The following LRCH1 variants were observed in gnomAD, a reference collection of about 807,000 sequenced individuals.
LRCH1 encodes leucine rich repeats and calponin homology domain containing 1, also known as leucine-rich repeat and calponin homology domain-containing protein 1.
Under a neutral mutation model 94.9 loss-of-function variants are expected in LRCH1, and 23 were observed. The ratio of observed to expected loss-of-function variants is 0.24; its 90% confidence interval spans 0.17 to 0.34. The LOEUF (loss-of-function observed/expected upper bound fraction) is 0.34, where lower values mean the gene tolerates loss of function less well. LRCH1 is among the 10% of genes least tolerant of loss of function. LRCH1 has a pLI of 1.00. For synonymous variants in LRCH1, 364 were observed against 354.9 expected (o/e 1.03, Z -0.29); for missense variants, 790 against 945.9 (o/e 0.84, Z 2.16).
At chr13:46,588,568 G>C (rs1310841428) in intron 1 of LRCH1, among the ~76,000 whole-genome samples, 1 of 150,030 alleles carries the variant, frequency 6.7e-6, no homozygotes, top group African/African-American at 2.5e-5. Context: ...AATTAACATG[G>C]TGCTGTATTT....
At chr13:46,606,944 G>T (rs1215215471) in intron 1 of LRCH1, among the ~76,000 whole-genome samples, 1 of 152,172 alleles carries the variant, frequency 6.6e-6, no homozygotes, top group Admixed American at 6.5e-5. Flanking sequence ...AGGAGGAGAA[G>T]CACCTATTTG....
chr13:46,556,579 C>T (rs979304212), intron 1 of LRCH1, among the ~76,000 whole-genome samples: 1 of 152,114 alleles, frequency 6.6e-6, no homozygotes, highest in African/African-American at 2.4e-5. Flanking sequence ...CCTCTCTATG[C>T]GTTATCTGCA....
chr13:46,686,160 C>T (rs1870603053), intron 5 of LRCH1, 119 bp downstream of exon 5: 1 of 1,050,138 alleles, frequency 9.5e-7, no homozygotes, highest in Non-Finnish European at 1.3e-6. Context: ...TGGCAAGCGG[C>T]AGATTAATTG....
chr13:46,671,896 C>G (rs546267678), intron 3 of LRCH1, among the ~76,000 whole-genome samples: 1 of 152,222 alleles, frequency 6.6e-6, no homozygotes, highest in Non-Finnish European at 1.5e-5. Flanking sequence ...TCATTTGTTA[C>G]AATCTGTGAA....
At chr13:46,689,255 C>A in intron 7 of LRCH1, 59 bp downstream of exon 7, 1 of 1,286,606 alleles carries the variant, frequency 7.8e-7, no homozygotes, top group South Asian at 1.3e-5. Context: ...TACCAGTGTT[C>A]ATTGAACTCC....
chr13:46,558,203 A>G (rs1210146113), intron 1 of LRCH1, among the ~76,000 whole-genome samples: 1 of 152,188 alleles, frequency 6.6e-6, no homozygotes, highest in Non-Finnish European at 1.5e-5. Flanking sequence ...ATGAGATGCT[A>G]AATAACAGTT....
At chr13:46,593,465 C>CAG (rs1443655971) in intron 1 of LRCH1, among the ~76,000 whole-genome samples, 1 of 152,132 alleles carries the variant, frequency 6.6e-6, no homozygotes, top group Admixed American at 6.5e-5. Flanking sequence ...AGAGCCTACA[C>CAG]AGAGAGACAC....
chr13:46,652,066 T>TG (rs1480946307), intron 2 of LRCH1, among the ~76,000 whole-genome samples: 3 of 133,538 alleles, frequency 2.2e-5, no homozygotes, highest in African/African-American at 8.6e-5. Flanking sequence ...TTTTTTTTTT[T>TG]TTTTTTTTTG....
At chr13:46,646,672 G>A (rs1277016100) in intron 1 of LRCH1, among the ~76,000 whole-genome samples, 1 of 152,084 alleles carries the variant, frequency 6.6e-6, no homozygotes, top group African/African-American at 2.4e-5. Context: ...GGAATATAAT[G>A]TTTAATATTA....
chr13:46,594,010 C>G (rs553721388), intron 1 of LRCH1, among the ~76,000 whole-genome samples: 1 of 152,164 alleles, frequency 6.6e-6, no homozygotes, highest in South Asian at 2.1e-4. Flanking sequence ...CAGGCCATCT[C>G]CTTGAACTAG....
rs773580132 is a variant in LRCH1, at chr13:46,741,883, G to T, written c.*35G>T. The T allele has an allele frequency of 3.1e-6, 5 of 1,611,630 alleles. No individual in the cohort carries two copies. In the Admixed American group the frequency reaches 8.3e-5, roughly 27 times the overall value. On this transcript the variant is annotated 3_prime_UTR_variant, in exon 20 of 20. Transcript: ENST00000389797. ...GTGCATCCAAACGCTGTGCTCTGTC[G>T]CCCTCAACCTTTGCAGGGTCCTTCC...
At chr13:46,710,637 A>G (rs1336140041) in intron 13 of LRCH1, among the ~76,000 whole-genome samples, 1 of 152,236 alleles carries the variant, frequency 6.6e-6, no homozygotes, top group Non-Finnish European at 1.5e-5. Flanking sequence ...ATTTGATTGA[A>G]TAGGGATATT....
At position 46,570,854 on chromosome 13, in the gene LRCH1, G is replaced by T. The variant is rs565337204; in HGVS notation, c.307+17151G>T. Among the ~76,000 whole-genome samples the T allele has an allele frequency of 4.1e-3, 624 of 152,286 alleles. 5 individuals carry two copies. The highest frequency in any genetic ancestry group is 0.034 in the South Asian group (163 of 4,820). ...GGGATTCTACCTTTACTATAGTAGAGGAGTGTCTAAAATTAAAAGACAGGA... is the reference window on the plus strand; with the variant it reads ...GGGATTCTACCTTTACTATAGTAGATGAGTGTCTAAAATTAAAAGACAGGA... On this transcript the variant is annotated intron_variant, in intron 1 of 19. Transcript: ENST00000389797.
intron 8 of LRCH1, 109 bp from the exon 9 acceptor site, chr13:46,694,784 T>G: frequency 8.3e-7 from 1 of 1,198,486 alleles, no homozygotes; most frequent in Non-Finnish European, 1.2e-6. Flanking sequence ...ACCTTCTTCA[T>G]AGGGAACACA....
At chr13:46,607,254 T>C (rs1260274342) in intron 1 of LRCH1, among the ~76,000 whole-genome samples, 1 of 152,138 alleles carries the variant, frequency 6.6e-6, no homozygotes, top group African/African-American at 2.4e-5. Context: ...TCGGAGAAAA[T>C]GCAGGACAAC....
At chr13:46,694,870 A>G (rs780313733) in intron 8 of LRCH1, 23 bp from the exon 9 acceptor site, 2 of 1,613,236 alleles carry the variant, frequency 1.2e-6, no homozygotes, top group Non-Finnish European at 1.7e-6. Flanking sequence ...CATGCTTTCC[A>G]TCTCTCTATA....
chr13:46,687,004 G>C (rs1870653393), intron 5 of LRCH1, among the ~76,000 whole-genome samples: 2 of 136,394 alleles, frequency 1.5e-5, no homozygotes, highest in South Asian at 4.5e-4. Flanking sequence ...TGTCGCCCAG[G>C]CTGGAGTGCA....
At chr13:46,634,804 A>G (rs1302502594) in intron 1 of LRCH1, among the ~76,000 whole-genome samples, 2 of 151,994 alleles carry the variant, frequency 1.3e-5, no homozygotes, top group Non-Finnish European at 2.9e-5. Flanking sequence ...GCAGACATCT[A>G]TAAATGAGTG....
At chr13:46,588,947 G>A (rs866371064) in intron 1 of LRCH1, among the ~76,000 whole-genome samples, 6 of 152,038 alleles carry the variant, frequency 3.9e-5, no homozygotes, top group Middle Eastern at 6.8e-3. Context: ...GTATGTGAAG[G>A]TATGCGGATG....
Sources: allele counts gnomAD v4.1 joint callset (sites outside exome capture counted in the v4.1 genomes callset), GRCh38; gene constraint gnomAD v4.1.1; transcripts MANE v1.5; gene names NCBI Gene and HGNC (gene_info 2026-07-23, HGNC 2026-07-21).